Variants in ABCG5 observed in about 807,000 individuals in gnomAD.
ABCG5 encodes the protein ATP-binding cassette sub-family G member 5.
In ABCG5, 64 loss-of-function variants were observed where a neutral mutation model predicts 64.5. The observed-to-expected ratio is 0.99, with a 90% CI of 0.81 to 1.22. ABCG5 has a LOEUF of 1.22. Among genes scored for constraint, ABCG5 ranks in the 50% most tolerant of loss-of-function variants. ABCG5 has a pLI of 0.00. For missense variants in ABCG5, 908 were observed against 829.5 expected (o/e 1.09, Z -1.16); for synonymous variants, 385 against 326.3 (o/e 1.18, Z -1.94).
chr2:43,831,661 G>T, intron 4 of ABCG5, 108 bp downstream of exon 4: 1 of 1,126,632 alleles, frequency 8.9e-7, no homozygotes, highest in Non-Finnish European at 1.3e-6. Context: ...TAGAGTGAAG[G>T]AGTGACGAGC....
At chr2:43,826,613 T>G (rs961193174) in intron 5 of ABCG5, 92 bp from the exon 6 acceptor site, 10 of 1,578,444 alleles carry the variant, frequency 6.3e-6, no homozygotes, top group Non-Finnish European at 7.8e-6. Context: ...CTTATTGAGT[T>G]TGTACCCCAT....
At chr2:43,831,911 G>A in intron 3 of ABCG5, 36 bp downstream of exon 3, 12 of 1,546,940 alleles carry the variant, frequency 7.8e-6, no homozygotes, top group Non-Finnish European at 1.0e-5. Flanking sequence ...CCCCCGGGGC[G>A]GGCGGGGGGG....
chr2:43,821,678 C>G (rs1260102267), intron 10 of ABCG5, among the ~76,000 whole-genome samples: 1 of 152,140 alleles, frequency 6.6e-6, no homozygotes, highest in East Asian at 1.9e-4. Context: ...CCTCAGCTGG[C>G]CCCTGGACCC....
intron 4 of ABCG5, chr2:43,828,501 A>T: frequency 2.6e-6 from 1 of 378,786 alleles, no homozygotes; most frequent in South Asian, 2.1e-5. Flanking sequence ...AAAGAAAGAA[A>T]AAAACAATAA....
chr2:43,821,133 C>T (rs767330584), intron 10 of ABCG5, among the ~76,000 whole-genome samples: 2 of 152,220 alleles, frequency 1.3e-5, no homozygotes, highest in Admixed American at 1.3e-4. Flanking sequence ...ACTCGCCCCT[C>T]CTTACCACTT....
At chr2:43,830,162 C>T (rs1398560871) in intron 4 of ABCG5, among the ~76,000 whole-genome samples, 1 of 152,148 alleles carries the variant, frequency 6.6e-6, no homozygotes, top group African/African-American at 2.4e-5. Flanking sequence ...AAGACATTTA[C>T]TTAATTTGTC....
At chr2:43,832,534 G>T (rs979824141) in intron 2 of ABCG5, 2 of 197,212 alleles carry the variant, frequency 1.0e-5, no homozygotes, top group African/African-American at 4.7e-5. Context: ...ACATTGTCTA[G>T]AGCCTTGCTC....
chr2:43,811,559 A>C (rs1487158671), downstream of ABCG5, among the ~76,000 whole-genome samples: 1 of 152,194 alleles, frequency 6.6e-6, no homozygotes, highest in Non-Finnish European at 1.5e-5. Context: ...GAATTACTTG[A>C]AGATCAATCA....
intron 9 of ABCG5, among the ~76,000 whole-genome samples, chr2:43,823,276 A>T (rs1016078930): frequency 1.2e-5 from 1 of 83,776 alleles, no homozygotes; most frequent in Non-Finnish European, 2.5e-5. Flanking sequence ...GATTCCCCCC[A>T]CCCCACCCCG....
rs1668419056 is a variant in ABCG5, at chr2:43,838,415, C to T, written c.143+122G>A. 3.3e-6 allele frequency: 3 copies of T among 922,288 alleles called. No individual in the cohort carries two copies. The highest frequency in any genetic ancestry group is 2.4e-5 in the Admixed American group (1 of 40,926). The allele number at this position is 922,288 out of a possible 1,614,324, so 57.1% of individuals were successfully genotyped here. A position where few individuals can be genotyped will look rare whatever the true frequency, so the allele number is the denominator to read the frequency against. On this transcript the variant is annotated intron_variant, in intron 1 of 12. Coordinates refer to ENST00000405322, the MANE Select transcript of ABCG5 (RefSeq NM_022436.3). This position sits in a 1 kb window ranked among gnomAD's most constrained non-coding sequence, Gnocchi z 4.2. ...TCTCCCTCTCCTCTCTCCACCCGAT[C>T]CACTAAAGAGGGAGCCCGAAGTGCC...
At chr2:43,824,519 CATA>C (rs1239103745) in intron 7 of ABCG5, 87 bp from the exon 8 acceptor site, 8 of 1,595,384 alleles carry the variant, frequency 5.0e-6, no homozygotes, top group Non-Finnish European at 6.8e-6. Context: ...GAGTACTGGC[CATA>C]ATACCTCATC....
At chr2:43,831,640 A>G in intron 4 of ABCG5, 129 bp downstream of exon 4, 1 of 933,320 alleles carries the variant, frequency 1.1e-6, no homozygotes, top group Non-Finnish European at 1.6e-6. Flanking sequence ...TGCAGGACGC[A>G]GGGCGCGCTC....
upstream of ABCG5, chr2:43,839,185 C>T (rs929041227): frequency 1.5e-5 from 23 of 1,490,628 alleles, no homozygotes; most frequent in East Asian, 4.0e-4. Flanking sequence ...TTTCTCTCTT[C>T]CCTCAGGAGC....
chr2:43,809,742 G>C (rs1427134878), downstream of ABCG5: 2 of 1,611,646 alleles, frequency 1.2e-6, no homozygotes, highest in African/African-American at 2.7e-5. Context: ...TCCAAGTCTT[G>C]GAAACAAATC....
intron 11 of ABCG5, among the ~76,000 whole-genome samples, chr2:43,815,827 C>G (rs571073831): frequency 7.5e-5 from 11 of 146,462 alleles, no homozygotes; most frequent in African/African-American, 2.8e-4. Flanking sequence ...AGACAGGTCA[C>G]GTTGAAATCA....
rs775863129 is a variant in ABCG5 at position 43,831,781 on chromosome 2, G to A, written c.489C>T (p.Ser163=). Residue 163 remains serine (S), a synonymous_variant, in exon 4 of 13, where the codon TCC becomes TCT. Transcript: ENST00000405322. ...LLAIRRGNPG[S]FQKKVEAVMA... is the part of the protein sequence containing the mutation. The stretch of plus-strand genomic sequence containing the variant: ...GGGCTGCACCCACCTTCTTCTGGAA[G>A]GAGCCGGGATTGCCGCGGCGGATGG... The A allele has an allele frequency of 1.3e-6, 2 of 1,583,462 alleles. No homozygotes were observed. The highest frequency in any genetic ancestry group is 2.3e-5 in the East Asian group (1 of 43,936).
intron 5 of ABCG5, 115 bp from the exon 6 acceptor site, chr2:43,826,636 CGG>C: frequency 2.7e-6 from 4 of 1,489,444 alleles, no homozygotes; most frequent in Middle Eastern, 2.0e-4. Context: ...AAACAGTGTG[CGG>C]TGGGAAGTAA....
At chr2:43,820,789 G>A (rs146867228) in intron 10 of ABCG5, among the ~76,000 whole-genome samples, 1,869 of 152,194 alleles carry the variant, frequency 0.012, 45 homozygotes, top group African/African-American at 0.041. Flanking sequence ...AAGTAGCTGG[G>A]ATTACAGGTG....
At position 43,831,964 on chromosome 2, in the gene ABCG5, AGCAGTCCTGGAACTGCTCCCGGC is replaced by A; in HGVS notation, c.362_384del (p.Arg121LeufsTer69). The stretch of plus-strand genomic sequence containing the variant: ...GCGCCCACCTGCAGGACGTAGGAGA[AGCAGTCCTGGAACTGCTCCCGGC>A]GCAGCGCCCGGCCGTTCACATACAC... On this transcript the variant is annotated frameshift_variant, in exon 3 of 13. Transcript: ENST00000405322. LOFTEE classifies it high-confidence loss of function. The A allele has an allele frequency of 6.4e-7, 1 of 1,550,776 alleles. No homozygotes were observed. Among genetic ancestry groups the A allele is most frequent in the Non-Finnish European group, 8.7e-7 (1 of 1,147,196 alleles).
Sources: allele counts gnomAD v4.1 joint callset (sites outside exome capture counted in the v4.1 genomes callset), GRCh38; gene constraint gnomAD v4.1.1; non-coding constraint Gnocchi (gnomAD v3.1); transcripts MANE v1.5; gene names NCBI Gene and HGNC (gene_info 2026-07-23, HGNC 2026-07-21).